Variants in SNX7 observed in about 807,000 individuals in gnomAD.
The protein encoded by SNX7 is sorting nexin 7, also known as sorting nexin-7.
In SNX7, 35 loss-of-function variants were observed where a neutral mutation model predicts 48.4. That is an observed-to-expected ratio of 0.72 (90% CI 0.55 to 0.96). The LOEUF is 0.96. Among genes scored for constraint, SNX7 ranks in the 40% least tolerant of loss-of-function variants. SNX7 has a pLI of 0.00. For synonymous variants in SNX7, 190 were observed against 190.2 expected (o/e 1.00, Z 0.01); for missense variants, 553 against 548.9 (o/e 1.01, Z -0.07).
chr1:98,674,978 AT>A (rs964475873), intron 1 of SNX7, among the ~76,000 whole-genome samples: 4 of 152,266 alleles, frequency 2.6e-5, no homozygotes, highest in African/African-American at 9.6e-5. Flanking sequence ...CACACAGATA[AT>A]TTTTATTATG....
Position 98,712,226 on chromosome 1 carries a change from T to C in SNX7, c.1125+10323T>C, listed in dbSNP as rs555213669. ...TTTTGGTCTGTTCCCATGAATCCCA[T>C]ATATTTTTCATGGAATCTAGAATGG... On this transcript the variant is annotated intron_variant, in intron 7 of 8. Transcript: ENST00000306121. Among the ~76,000 whole-genome samples, 15 of 152,294 alleles carry C rather than the reference T, an allele frequency of 9.8e-5. No homozygotes were observed. The South Asian group carries it at 3.1e-3, about 32-fold the overall frequency.
At chr1:98,685,860 C>T (rs1012210392) in intron 2 of SNX7, among the ~76,000 whole-genome samples, 1 of 152,040 alleles carries the variant, frequency 6.6e-6, no homozygotes, top group Non-Finnish European at 1.5e-5. Context: ...CTTATTTCTT[C>T]ACTTGAATTC....
chr1:98,692,247 A>G (rs1039578559), intron 4 of SNX7, among the ~76,000 whole-genome samples: 1 of 152,142 alleles, frequency 6.6e-6, no homozygotes, highest in African/African-American at 2.4e-5. Flanking sequence ...GCAATAAAGT[A>G]ACCTAGAGAA....
intron 1 of SNX7, among the ~76,000 whole-genome samples, chr1:98,681,878 A>G (rs948947130): frequency 2.0e-5 from 3 of 152,180 alleles, no homozygotes; most frequent in Admixed American, 1.3e-4. Flanking sequence ...TTGTTTTCTG[A>G]AAATACACAC....
intron 7 of SNX7, among the ~76,000 whole-genome samples, chr1:98,718,630 G>C (rs903372704): frequency 6.6e-6 from 1 of 152,002 alleles, no homozygotes; most frequent in African/African-American, 2.4e-5. Flanking sequence ...CATAAATTTA[G>C]AAAACACACC....
intron 5 of SNX7, among the ~76,000 whole-genome samples, chr1:98,696,167 CTT>C (rs77848287): frequency 1.4e-5 from 2 of 140,762 alleles, no homozygotes; most frequent in African/African-American, 2.6e-5. Flanking sequence ...TTCCTATTTT[CTT>C]TTTTTTTTTT....
At chr1:98,753,893 T>G (rs1654708042) in intron 8 of SNX7, among the ~76,000 whole-genome samples, 1 of 152,102 alleles carries the variant, frequency 6.6e-6, no homozygotes, top group Non-Finnish European at 1.5e-5. Flanking sequence ...ATACTTGACA[T>G]TTGGTGAAGG....
chr1:98,678,731 A>G (rs1401119142), intron 1 of SNX7, among the ~76,000 whole-genome samples: 1 of 152,236 alleles, frequency 6.6e-6, no homozygotes, highest in Admixed American at 6.5e-5. Flanking sequence ...ATGTTAATGA[A>G]TTATATCCAC....
intron 8 of SNX7, among the ~76,000 whole-genome samples, chr1:98,738,651 T>C (rs1262095205): frequency 6.6e-6 from 1 of 152,168 alleles, no homozygotes; most frequent in Non-Finnish European, 1.5e-5. Context: ...CCCTTCTCCA[T>C]TTATGAAGAG....
At chr1:98,692,055 C>G (rs1229457733) in intron 4 of SNX7, among the ~76,000 whole-genome samples, 1 of 151,088 alleles carries the variant, frequency 6.6e-6, no homozygotes, top group Non-Finnish European at 1.5e-5. Context: ...TGTAGTTGAC[C>G]CTTGAACAAC....
chr1:98,687,015 C>G (rs1650839186), intron 2 of SNX7, among the ~76,000 whole-genome samples: 1 of 152,020 alleles, frequency 6.6e-6, no homozygotes, highest in Non-Finnish European at 1.5e-5. Context: ...ATGGACTGGT[C>G]TTATAGAAGT....
At chr1:98,686,471 T>C (rs930259386) in intron 2 of SNX7, among the ~76,000 whole-genome samples, 46 of 152,296 alleles carry the variant, frequency 3.0e-4, no homozygotes, top group African/African-American at 1.1e-3. Flanking sequence ...AATAGATGTT[T>C]ATTTGTATTT....
chr1:98,662,626 T>A, intron 1 of SNX7: 1 of 1,254,580 alleles, frequency 8.0e-7, no homozygotes, highest in African/African-American at 1.5e-5. Flanking sequence ...AGTGGTAGAC[T>A]TTTGGTACGT....
chr1:98,750,264 T>C (rs1654515879), intron 8 of SNX7, among the ~76,000 whole-genome samples: 1 of 152,050 alleles, frequency 6.6e-6, no homozygotes, highest in African/African-American at 2.4e-5. Flanking sequence ...TGTGGTGTCA[T>C]TACCTATGGC....
intron 2 of SNX7, among the ~76,000 whole-genome samples, chr1:98,689,766 C>G (rs1024756286): frequency 1.3e-5 from 2 of 152,292 alleles, no homozygotes; most frequent in Non-Finnish European, 2.9e-5. Flanking sequence ...GTGCATGCAT[C>G]TATTTGCATA....
chr1:98,685,030 C>T lies in SNX7; in HGVS notation c.326C>T (p.Thr109Ile). 4.5e-6 allele frequency: 7 copies of T among 1,570,840 alleles called. No individual in the cohort carries two copies. Among genetic ancestry groups the T allele is most frequent in the Non-Finnish European group, 6.1e-6 (7 of 1,155,620 alleles). ...TVDEPESHVT[T>I]IETFITYRII... is the part of the protein sequence containing the mutation. ...GATGAACCTGAAAGTCATGTTACTACAATAGAAACTTTCATTACGTATAGG... is the reference window on the plus strand; with the variant it reads ...GATGAACCTGAAAGTCATGTTACTATAATAGAAACTTTCATTACGTATAGG... Residue 109 changes from threonine to isoleucine, a missense_variant, in exon 2 of 9, where the codon ACA becomes ATA. By Grantham distance (89) the Thr-to-Ile change is moderately conservative (BLOSUM62 -1). Coordinates refer to ENST00000306121, the MANE Select transcript of SNX7 (RefSeq NM_015976.5).
rs147931903 is a variant in SNX7 at position 98,711,696 on chromosome 1, C to T, written c.1125+9793C>T. Among the ~76,000 whole-genome samples the T allele has an allele frequency of 5.1e-3, 770 of 152,218 alleles. 7 individuals are homozygous for T. The highest frequency in any genetic ancestry group is 7.8e-3 in the Non-Finnish European group (533 of 68,000). On this transcript the variant is annotated intron_variant, in intron 7 of 8. Transcript: ENST00000306121. ...TATGTTGATGGCTGCTGACTGATTACGTGTTGGTTGATGAAGATTGGGGTA... is the reference window on the plus strand; with the variant it reads ...TATGTTGATGGCTGCTGACTGATTATGTGTTGGTTGATGAAGATTGGGGTA...
intron 8 of SNX7, among the ~76,000 whole-genome samples, chr1:98,756,126 C>T (rs1282320928): frequency 2.0e-5 from 3 of 151,848 alleles, no homozygotes; most frequent in African/African-American, 7.2e-5. Context: ...TTTTAGGTTA[C>T]TGTATGTGTC....
At chr1:98,698,647 C>T (rs1012204309) in intron 5 of SNX7, 59 bp from the exon 6 acceptor site, 11 of 1,457,660 alleles carry the variant, frequency 7.5e-6, no homozygotes, top group Non-Finnish European at 1.0e-5. Flanking sequence ...CTCTAGGATA[C>T]AGGTATTTTG....
Sources: allele counts gnomAD v4.1 joint callset (sites outside exome capture counted in the v4.1 genomes callset), GRCh38; gene constraint gnomAD v4.1.1; transcripts MANE v1.5; gene names NCBI Gene and HGNC (gene_info 2026-07-23, HGNC 2026-07-21).